Variants in PAICS observed in about 807,000 individuals in gnomAD.
The protein encoded by PAICS is bifunctional phosphoribosylaminoimidazole carboxylase/phosphoribosylaminoimidazole succinocarboxamide synthetase.
A neutral mutation model predicts 53.7 loss-of-function variants in PAICS; 33 were observed. The ratio of observed to expected loss-of-function variants is 0.61; its 90% CI spans 0.47 to 0.82. The LOEUF is 0.82. PAICS is among the 40% of genes least tolerant of loss of function. PAICS has a pLI of 0.00. For synonymous variants in PAICS, 141 were observed against 167.2 expected (o/e 0.84, Z 1.21); for missense variants, 394 against 494.1 (o/e 0.80, Z 1.92).
the PAICS span, among the ~76,000 whole-genome samples, chr4:56,430,470 T>C: frequency 1.3e-5 from 2 of 152,158 alleles, no homozygotes; most frequent in African/African-American, 4.8e-5. Context: ...TGGTAAAGTA[T>C]TCCCAGTGTC....
intron 8 of PAICS, among the ~76,000 whole-genome samples, chr4:56,457,135 A>G (rs1719252968): frequency 6.6e-6 from 1 of 152,224 alleles, no homozygotes; most frequent in African/African-American, 2.4e-5. Flanking sequence ...TTACCTTCAG[A>G]AAAATTAAAG....
chr4:56,410,929 GAAAA>G, the PAICS span: 2 of 391,662 alleles, frequency 5.1e-6, no homozygotes, highest in Non-Finnish European at 6.0e-6. Context: ...AAAAAAAAAA[GAAAA>G]GTACTCTTGT....
chr4:56,453,550 C>T (rs1381110163), intron 7 of PAICS, 53 bp from the exon 8 acceptor site: 18 of 1,059,514 alleles, frequency 1.7e-5, no homozygotes, highest in Middle Eastern at 3.4e-4. Context: ...AAAACCCTGT[C>T]TTTAAATCTG....
At chr4:56,455,387 C>A (rs1719143749) in intron 8 of PAICS, among the ~76,000 whole-genome samples, 1 of 152,132 alleles carries the variant, frequency 6.6e-6, no homozygotes, top group South Asian at 2.1e-4. Flanking sequence ...TATATTAAGT[C>A]TTTGAGCCCT....
chr4:56,453,854 C>T (rs1719051606), intron 8 of PAICS, 93 bp downstream of exon 8: 8 of 812,834 alleles, frequency 9.8e-6, no homozygotes, highest in Non-Finnish European at 1.3e-5. Context: ...TCTCATGTAC[C>T]CATGACCTAG....
At chr4:56,434,754 C>T (rs148294378), upstream of PAICS, among the ~76,000 whole-genome samples, 1 of 152,162 alleles carries the variant, frequency 6.6e-6, no homozygotes, top group African/African-American at 2.4e-5. Context: ...TATGTGAGAT[C>T]TACTACCAGT....
chr4:56,420,724 T>C, the PAICS span: 1 of 152,172 alleles, frequency 6.6e-6, no homozygotes, highest in Non-Finnish European at 1.5e-5. Context: ...AAAAGGGCAT[T>C]GAAGAACTTA....
At chr4:56,411,142 T>A in the PAICS span, among the ~76,000 whole-genome samples, 1 of 152,120 alleles carries the variant, frequency 6.6e-6, no homozygotes, top group Non-Finnish European at 1.5e-5. Context: ...AAAAGCACAT[T>A]ACAATGGCAC....
At chr4:56,455,638 TATACTTGATAGTTTA>T (rs1305287705) in intron 8 of PAICS, among the ~76,000 whole-genome samples, 1 of 152,248 alleles carries the variant, frequency 6.6e-6, no homozygotes, top group Admixed American at 6.5e-5. Context: ...ATTGAAGCCC[TATACTTGATAGTTTA>T]GAAATAGAAT....
chr4:56,435,761 C>A, upstream of PAICS: 1 of 1,496,450 alleles, frequency 6.7e-7, no homozygotes, highest in Non-Finnish European at 8.9e-7. Context: ...TAGCCTTCCC[C>A]TAAGAGCTGC....
intron 8 of PAICS, among the ~76,000 whole-genome samples, chr4:56,455,239 G>A (rs530087056): frequency 2.5e-4 from 38 of 152,252 alleles, no homozygotes; most frequent in African/African-American, 7.9e-4. Flanking sequence ...GTTGTGGTTC[G>A]TTCATCATAG....
chr4:56,428,659 GCATTTT>G, the PAICS span, among the ~76,000 whole-genome samples: 1 of 152,000 alleles, frequency 6.6e-6, no homozygotes, highest in African/African-American at 2.4e-5. Context: ...ATTCCTCTTT[GCATTTT>G]CATTTAGCAA....
the PAICS span, among the ~76,000 whole-genome samples, chr4:56,417,842 G>GTTTTTT: frequency 1.5e-5 from 2 of 136,168 alleles, no homozygotes; most frequent in African/African-American, 2.7e-5. Flanking sequence ...TTGGTTTTTT[G>GTTTTTT]TTTTTTTTTT....
At chr4:56,458,002 C>T (rs1719312898) in intron 8 of PAICS, among the ~76,000 whole-genome samples, 1 of 152,120 alleles carries the variant, frequency 6.6e-6, no homozygotes, top group African/African-American at 2.4e-5. Flanking sequence ...ACAAATGTCT[C>T]AAGCTAAAAA....
chr4:56,410,679 A>T, the PAICS span: 1 of 986,584 alleles, frequency 1.0e-6, no homozygotes, highest in African/African-American at 1.7e-5. Context: ...GTATACAGAG[A>T]CTGGAAACAG....
intron 1 of PAICS, among the ~76,000 whole-genome samples, chr4:56,438,373 AT>A (rs1232866680): frequency 3.7e-4 from 21 of 56,778 alleles, no homozygotes; most frequent in African/African-American, 2.0e-3. Context: ...CAATGTGTTT[AT>A]ATATATATAT....
chr4:56,421,728 A>G, the PAICS span: 2 of 152,224 alleles, frequency 1.3e-5, no homozygotes, highest in African/African-American at 4.8e-5. Context: ...CTAGAGAACT[A>G]TACATCTCCC....
chr4:56,455,997 A>G (rs1719174788), intron 8 of PAICS, among the ~76,000 whole-genome samples: 1 of 152,150 alleles, frequency 6.6e-6, no homozygotes, highest in African/African-American at 2.4e-5. Flanking sequence ...ATTTGAATAA[A>G]TTTGGGCTTC....
At position 56,453,543 on chromosome 4, in the gene PAICS, AC is replaced by A; in HGVS notation, c.953-57del. On this transcript the variant is annotated intron_variant, in intron 7 of 8. Coordinates refer to ENST00000512576, the MANE Select transcript of PAICS (RefSeq NM_001079524.2). ...GGCCTTAAACCAAAAAAAAAAAAAA[AC>A]CCTGTCTTTAAATCTGTTTTGAATG... The A allele has an allele frequency of 1.6e-5, 20 of 1,238,452 alleles. No individual in the cohort carries two copies. In the South Asian group the frequency reaches 2.2e-4, roughly 14 times the overall value. 76.7% of individuals were successfully genotyped at this position (1,238,452 alleles called of 1,614,324 possible).
Sources: allele counts gnomAD v4.1 joint callset (sites outside exome capture counted in the v4.1 genomes callset), GRCh38; gene constraint gnomAD v4.1.1; transcripts MANE v1.5; gene names NCBI Gene and HGNC (gene_info 2026-07-23, HGNC 2026-07-21).